SGK1: variants seen among roughly 807,000 people sequenced by gnomAD.
SGK1 encodes the protein serum/glucocorticoid regulated kinase 1.
SGK1 carries 26 observed loss-of-function variants against 64.2 expected under a neutral mutation model. The observed-to-expected ratio is 0.40, with a 90% CI of 0.30 to 0.56. The LOEUF (loss-of-function observed/expected upper bound fraction) is 0.56. Ranked by LOEUF, SGK1 falls within the 20% of genes least tolerant of loss-of-function variation. SGK1 has a pLI of 0.38. For missense variants in SGK1, 519 were observed against 645.6 expected, an observed-to-expected ratio of 0.80 and a Z score of 2.12; for synonymous variants, 265 against 239.7, an observed-to-expected ratio of 1.11 and a Z score of -0.98.
chr6:134,315,050 A>T (rs185320845), intron 1 of SGK1, among the ~76,000 whole-genome samples: 13 of 152,284 alleles, frequency 8.5e-5, no homozygotes, highest in African/African-American at 2.9e-4. Context: ...GAAAGGGAGA[A>T]AGATTGGAGA....
chr6:134,256,272 A>G lies in SGK1; in HGVS notation c.285+5661T>C, dbSNP rs184539139. ...GTTTCCACATCAAACTTATCATCCT[A>G]CCTGCCTTCTCTTTTTCAGAGATAC... On this transcript the variant is annotated intron_variant, in intron 2 of 13. Transcript: ENST00000367858. 1.8e-3 allele frequency among the ~76,000 whole-genome samples: 271 copies of G among 152,010 alleles called. 2 individuals carry two copies. The highest frequency in any genetic ancestry group is 2.7e-3 in the Non-Finnish European group (186 of 67,966).
chr6:134,173,662 A>C (rs1321730735), intron 5 of SGK1, 96 bp from the exon 6 acceptor site: 1 of 807,032 alleles, frequency 1.2e-6, no homozygotes. Flanking sequence ...TCTACAAATG[A>C]CTGATGCAAA....
At chr6:134,208,175 G>C (rs1293020879) in intron 2 of SGK1, among the ~76,000 whole-genome samples, 2 of 152,266 alleles carry the variant, frequency 1.3e-5, no homozygotes, top group South Asian at 2.1e-4. Flanking sequence ...GCCTCTCAAA[G>C]TGCTGGGATT....
intron 1 of SGK1, among the ~76,000 whole-genome samples, chr6:134,289,040 C>G (rs1181685754): frequency 6.6e-6 from 1 of 152,190 alleles, no homozygotes; most frequent in Non-Finnish European, 1.5e-5. Flanking sequence ...CAAAGATCCT[C>G]CTGTCCTAAT....
At chr6:134,175,952 T>C (rs1230869207) in intron 3 of SGK1, 2 of 1,154,356 alleles carry the variant, frequency 1.7e-6, no homozygotes, top group African/African-American at 3.2e-5. Context: ...GGGGCGGAAA[T>C]AAAAGTCGTC....
chr6:134,313,562 C>A (rs879382108), intron 1 of SGK1, among the ~76,000 whole-genome samples: 1 of 151,462 alleles, frequency 6.6e-6, no homozygotes, highest in Non-Finnish European at 1.5e-5. Context: ...GGAAAGCACA[C>A]GAGATCTGGA....
chr6:134,225,383 T>C (rs1195975827), intron 2 of SGK1, among the ~76,000 whole-genome samples: 2 of 148,418 alleles, frequency 1.3e-5, no homozygotes, highest in East Asian at 2.0e-4. Flanking sequence ...AGAAATATAA[T>C]TGTGGATCCA....
chr6:134,211,684 A>G (rs1026731519), intron 2 of SGK1, among the ~76,000 whole-genome samples: 4 of 152,112 alleles, frequency 2.6e-5, no homozygotes, highest in African/African-American at 7.2e-5. Flanking sequence ...TAAATTAAAA[A>G]GAAAATAAAA....
In SGK1 at chr6:134,170,402, C is replaced by T. The variant is rs769365074; in HGVS notation, c.1447G>A (p.Glu483Lys). 1.2e-5 allele frequency: 19 copies of T among 1,613,602 alleles called. No individual in the cohort carries two copies. In the African/African-American group the frequency reaches 1.3e-4, roughly 11 times the overall value. The change falls in exon 14 of 14, where the codon GAG becomes AAG. Residue 483 changes from glutamate to lysine, a missense_variant. Physicochemically the swap from Glu to Lys is moderately conservative, Grantham distance 56. Transcript: ENST00000367858. Reference sequence around the variant, plus strand: ...TTGGGGACAGGCTCTTCGGTAAACTCGGGGTCAAAGTGCCGTAGGTCGTTG... The same window carrying T: ...TTGGGGACAGGCTCTTCGGTAAACTTGGGGTCAAAGTGCCGTAGGTCGTTG... ...GPNDLRHFDPEFTEEPVPNSI... is the reference protein window; with the variant it reads ...GPNDLRHFDPKFTEEPVPNSI...
At chr6:134,279,235 T>C (rs573688243) in intron 1 of SGK1, among the ~76,000 whole-genome samples, 28 of 152,098 alleles carry the variant, frequency 1.8e-4, no homozygotes, top group African/African-American at 6.3e-4. Context: ...AGTTCAAGAC[T>C]AGCCTGGCCA....
chr6:134,181,122 G>A (rs964541315), intron 3 of SGK1, among the ~76,000 whole-genome samples: 1 of 152,168 alleles, frequency 6.6e-6, no homozygotes, highest in African/African-American at 2.4e-5. Context: ...CACAAGTCCA[G>A]CAGCCAGAAT....
intron 3 of SGK1, chr6:134,174,865 G>A: frequency 1.2e-6 from 2 of 1,609,512 alleles, no homozygotes. Context: ...GGCGTATGCT[G>A]CGCCAGGCCG....
intron 1 of SGK1, among the ~76,000 whole-genome samples, chr6:134,273,797 G>A (rs1776978511): frequency 1.3e-5 from 2 of 151,336 alleles, no homozygotes; most frequent in Non-Finnish European, 2.9e-5. Context: ...GGCAATGAGG[G>A]GACCCTGAAG....
chr6:134,197,038 G>A (rs1775604509), intron 3 of SGK1, among the ~76,000 whole-genome samples: 1 of 152,088 alleles, frequency 6.6e-6, no homozygotes, highest in South Asian at 2.1e-4. Context: ...TTTGGGACCA[G>A]CCTGGACAAC....
At chr6:134,239,959 GGGAAGCGA>G (rs1422283828) in intron 2 of SGK1, among the ~76,000 whole-genome samples, 1 of 152,132 alleles carries the variant, frequency 6.6e-6, no homozygotes, top group Non-Finnish European at 1.5e-5. Context: ...TGACAGGGAT[GGGAAGCGA>G]GGACATCAGG....
At chr6:134,314,022 T>C (rs1485026069) in intron 1 of SGK1, among the ~76,000 whole-genome samples, 1 of 152,200 alleles carries the variant, frequency 6.6e-6, no homozygotes, top group Non-Finnish European at 1.5e-5. Context: ...GAGTAAAATA[T>C]AATCCATATA....
Position 134,172,733 on chromosome 6 carries a change from T to TGGTTCCAGGAAGCA in SGK1, c.862_875dup (p.Arg293AlafsTer14). 1 of 1,614,142 alleles carries TGGTTCCAGGAAGCA rather than the reference T, an allele frequency of 6.2e-7. No homozygotes were observed. Among genetic ancestry groups the TGGTTCCAGGAAGCA allele is most frequent in the Non-Finnish European group, 8.5e-7 (1 of 1,179,966 alleles). On this transcript the variant is annotated frameshift_variant, in exon 9 of 14. Coordinates refer to ENST00000367858, the MANE Select transcript of SGK1 (RefSeq NM_001143676.3). LOFTEE classifies it high-confidence loss of function. ...TTTCAGCAGCATAGAAACGAGCCCG[T>TGGTTCCAGGAAGCA]GGTTCCAGGAAGCAGCGTTCCCTCT... is the stretch of plus-strand genomic sequence containing the variant.
At chr6:134,274,303 C>A (rs182628691) in intron 1 of SGK1, among the ~76,000 whole-genome samples, 1 of 152,090 alleles carries the variant, frequency 6.6e-6, no homozygotes, top group African/African-American at 2.4e-5. Flanking sequence ...CGTGCCCAGC[C>A]TCAAATGTGT....
chr6:134,294,398 C>G (rs1199844788), intron 1 of SGK1, among the ~76,000 whole-genome samples: 1 of 152,140 alleles, frequency 6.6e-6, no homozygotes, highest in Admixed American at 6.6e-5. Context: ...AATTCCTCAT[C>G]CCCCTTCTTC....
Sources: allele counts gnomAD v4.1 joint callset (sites outside exome capture counted in the v4.1 genomes callset), GRCh38; gene constraint gnomAD v4.1.1; transcripts MANE v1.5; gene names NCBI Gene and HGNC (gene_info 2026-07-23, HGNC 2026-07-21).